COL28A1: variants seen among roughly 807,000 people sequenced by gnomAD.
The protein encoded by COL28A1 is collagen alpha-1(XXVIII) chain.
In COL28A1, 161 loss-of-function variants were observed where a neutral mutation model predicts 150.2. The ratio of observed to expected loss-of-function variants is 1.07; its 90% CI spans 0.94 to 1.22. The LOEUF (loss-of-function observed/expected upper bound fraction) is 1.22, where lower values mean the gene tolerates loss of function less well. COL28A1 is among the 50% of genes most tolerant of loss of function. The pLI is 0.00. For synonymous variants in COL28A1, 552 were observed against 469.7 expected (o/e 1.18, Z -2.26); for missense variants, 1,617 against 1,388.3 (o/e 1.16, Z -2.62).
At position 7,486,363 on chromosome 7, in the gene COL28A1, T is replaced by C. The variant is rs186595736; in HGVS notation, c.1164+3026A>G. On this transcript the variant is annotated intron_variant, in intron 13 of 34. Transcript: ENST00000399429. The stretch of plus-strand genomic sequence containing the variant: ...TGTATAGATTTCTTGGGGTTTTCTA[T>C]GGAGGCCATCATATCATCTGCAAAT... Among the ~76,000 whole-genome samples the C allele has an allele frequency of 2.6e-3, 400 of 152,298 alleles. 3 individuals carry two copies. The highest frequency in any genetic ancestry group is 9.0e-3 in the African/African-American group (374 of 41,568).
In COL28A1 at chr7:7,531,578, C is replaced by G. The variant is rs564431663; in HGVS notation, c.451G>C (p.Asp151His). The change falls in exon 3 of 35, where the codon GAT (aspartate) becomes CAT (histidine). Residue 151 changes from aspartate (D) to histidine (H), a missense_variant. Coordinates refer to ENST00000399429, the MANE Select transcript of COL28A1 (RefSeq NM_001037763.3). ...TRLLKREGRK[D>H]GVKVVLLMTD... ...ATCAGCAAAACCACTTTCACACCATCCTTACGCCCTTCTCTCTTAAGTAGC... is the reference window on the plus strand; with the variant it reads ...ATCAGCAAAACCACTTTCACACCATGCTTACGCCCTTCTCTCTTAAGTAGC... The G allele has an allele frequency of 5.0e-6, 8 of 1,603,262 alleles. No homozygotes were observed. In the Admixed American group the frequency reaches 8.3e-5, roughly 17 times the overall value.
Position 7,409,575 on chromosome 7 carries a change from T to C in COL28A1, c.2136+8284A>G, listed in dbSNP as rs528280673. Among the ~76,000 whole-genome samples the C allele has an allele frequency of 7.2e-5, 11 of 152,280 alleles. No individual in the cohort carries two copies. In the South Asian group the frequency reaches 2.1e-3, roughly 29 times the overall value. On this transcript the variant is annotated intron_variant, in intron 27 of 34. Transcript: ENST00000399429. The stretch of plus-strand genomic sequence containing the variant: ...GTTCAAATGAAATCTTTCACATGAT[T>C]TTCTAACTTTTGGTGATATTTTCAA...
chr7:7,354,867 T>G (rs1240908639), downstream of COL28A1, among the ~76,000 whole-genome samples: 1 of 152,154 alleles, frequency 6.6e-6, no homozygotes, highest in Non-Finnish European at 1.5e-5. Context: ...CACTCTGGTT[T>G]GGATGCCTCT....
chr7:7,408,175 C>A (rs1369489688), intron 27 of COL28A1, among the ~76,000 whole-genome samples: 1 of 152,050 alleles, frequency 6.6e-6, no homozygotes, highest in African/African-American at 2.4e-5. Context: ...TCATGATTCC[C>A]GCTCTGACAA....
In COL28A1 at chr7:7,452,302, A is replaced by C. The variant is rs757547804; in HGVS notation, c.1509+17T>G. 4.4e-6 allele frequency: 7 copies of C among 1,598,346 alleles called. 1 individual carries two copies. The South Asian group carries it at 8.0e-5, about 18-fold the overall frequency. ...TACATAAAGTATCATATCACTTCTG[A>C]GCAGCAGTCAACTCACCTTTGGACC... On this transcript the variant is annotated intron_variant, in intron 18 of 34. Coordinates refer to ENST00000399429, the MANE Select transcript of COL28A1 (RefSeq NM_001037763.3).
At chr7:7,504,509 G>A (rs764555) in intron 11 of COL28A1, among the ~76,000 whole-genome samples, 21,951 of 151,946 alleles carry the variant, frequency 0.14, 1,664 homozygotes, top group East Asian at 0.22. Context: ...CTAAAAAAGA[G>A]AGAGAGAAGA....
chr7:7,388,173 C>A (rs959317987), intron 27 of COL28A1, among the ~76,000 whole-genome samples: 5 of 151,980 alleles, frequency 3.3e-5, no homozygotes, highest in African/African-American at 1.2e-4. Context: ...GCCCCCCACC[C>A]CATGACAGGC....
chr7:7,502,408 G>C (rs1027770790), intron 11 of COL28A1, among the ~76,000 whole-genome samples: 1 of 152,134 alleles, frequency 6.6e-6, no homozygotes, highest in African/African-American at 2.4e-5. Context: ...ATTTTTTCCT[G>C]ACTTAACACA....
chr7:7,419,167 C>A (rs1043242870), intron 26 of COL28A1, among the ~76,000 whole-genome samples: 1 of 152,134 alleles, frequency 6.6e-6, no homozygotes, highest in Non-Finnish European at 1.5e-5. Context: ...ACTGAATGAA[C>A]AATTAAAACT....
At chr7:7,372,443 G>A (rs904451599) in intron 32 of COL28A1, among the ~76,000 whole-genome samples, 1 of 115,076 alleles carries the variant, frequency 8.7e-6, no homozygotes, top group Non-Finnish European at 1.8e-5. Flanking sequence ...ATAAATAAAT[G>A]GTTGTTCTTT....
At chr7:7,439,998 C>T (rs185666134) in intron 21 of COL28A1, among the ~76,000 whole-genome samples, 1 of 152,308 alleles carries the variant, frequency 6.6e-6, no homozygotes, top group African/African-American at 2.4e-5. Context: ...CTCCTTGTCT[C>T]TTTCTCACAA....
chr7:7,482,697 G>A (rs12671418), intron 13 of COL28A1, among the ~76,000 whole-genome samples: 5 of 152,090 alleles, frequency 3.3e-5, no homozygotes, highest in Non-Finnish European at 5.9e-5. Flanking sequence ...AGAATTTCAT[G>A]TTCTGGTAAT....
At chr7:7,400,687 TAAA>T (rs34102862) in intron 27 of COL28A1, among the ~76,000 whole-genome samples, 16 of 146,274 alleles carry the variant, frequency 1.1e-4, no homozygotes, top group African/African-American at 3.9e-4. Context: ...TCTCCCAGCT[TAAA>T]AAAAAAAAAC....
chr7:7,536,538 C>T (rs1248652279), upstream of COL28A1, among the ~76,000 whole-genome samples: 1 of 151,974 alleles, frequency 6.6e-6, no homozygotes, highest in Non-Finnish European at 1.5e-5. Flanking sequence ...TTTTCCACTC[C>T]CTGTTTCCCT....
At chr7:7,439,640 T>G (rs1026567058) in intron 21 of COL28A1, among the ~76,000 whole-genome samples, 1 of 152,188 alleles carries the variant, frequency 6.6e-6, no homozygotes, top group Non-Finnish European at 1.5e-5. Context: ...CAGAAAAATG[T>G]TCACTTTGAA....
chr7:7,408,509 A>G (rs548932956), intron 27 of COL28A1, among the ~76,000 whole-genome samples: 1 of 152,298 alleles, frequency 6.6e-6, no homozygotes, highest in East Asian at 1.9e-4. Flanking sequence ...CTATGCACTA[A>G]TTTGTCACAG....
the COL28A1 span, among the ~76,000 whole-genome samples, chr7:7,339,856 C>T: frequency 6.6e-6 from 1 of 152,090 alleles, no homozygotes; most frequent in Non-Finnish European, 1.5e-5. Flanking sequence ...ACTTTTAGGT[C>T]ATACAAATTG....
chr7:7,531,662 A>T lies in COL28A1; in HGVS notation c.367T>A (p.Ser123Thr), dbSNP rs1481058251. 6.3e-7 allele frequency: 1 copy of T among 1,598,020 alleles called. No individual in the cohort carries two copies. The highest frequency in any genetic ancestry group is 8.6e-7 in the Non-Finnish European group (1 of 1,165,302). Residue 123 changes from serine (S) to threonine (T), a missense_variant, in exon 3 of 35, where the codon TCT becomes ACT. Coordinates refer to ENST00000399429, the MANE Select transcript of COL28A1 (RefSeq NM_001037763.3). ...DLQTFKQKVKSMNLIGQGTFS... is the reference protein window; with the variant it reads ...DLQTFKQKVKTMNLIGQGTFS... ...GTACCTTGCCCTATTAAATTCATAG[A>T]CTTGACCTTCTGCTTAAATGTCTGC...
At chr7:7,513,532 C>T (rs1781262653) in intron 8 of COL28A1, among the ~76,000 whole-genome samples, 1 of 152,198 alleles carries the variant, frequency 6.6e-6, no homozygotes, top group Non-Finnish European at 1.5e-5. Context: ...TTTCGTGAGT[C>T]AAACTGACCC....
Sources: allele counts gnomAD v4.1 joint callset (sites outside exome capture counted in the v4.1 genomes callset), GRCh38; gene constraint gnomAD v4.1.1; transcripts MANE v1.5; gene names NCBI Gene and HGNC (gene_info 2026-07-23, HGNC 2026-07-21).